The following CSMD1 variants were observed in gnomAD, a reference collection of about 807,000 sequenced individuals.
CSMD1 encodes CUB and Sushi multiple domains 1, also known as CUB and sushi domain-containing protein 1.
Under a neutral mutation model 417.5 loss-of-function variants are expected in CSMD1, and 213 were observed. The ratio of observed to expected loss-of-function variants is 0.51; its 90% CI spans 0.46 to 0.57. The LOEUF is 0.57. CSMD1 is among the 20% of genes least tolerant of loss of function. The pLI, the probability that CSMD1 is intolerant of heterozygous loss-of-function variation, is 0.00. For synonymous variants in CSMD1, 2,862 were observed against 1,736.8 expected (o/e 1.65, Z -16.11); for missense variants, 6,923 against 4,529.7 (o/e 1.53, Z -15.17).
chr8:3,076,005 C>T (rs539209105), intron 49 of CSMD1, among the ~76,000 whole-genome samples: 41 of 150,800 alleles, frequency 2.7e-4, no homozygotes, highest in Non-Finnish European at 5.3e-4. Flanking sequence ...GAGCCGAGAT[C>T]GCGCCACTGC....
chr8:2,993,704 T>C (rs1053432515), intron 54 of CSMD1, among the ~76,000 whole-genome samples: 1 of 152,128 alleles, frequency 6.6e-6, no homozygotes, highest in Non-Finnish European at 1.5e-5. Context: ...GTTTTGTTTC[T>C]AATGTTTTAA....
chr8:3,211,821 C>T lies in CSMD1; in HGVS notation c.4867+2676G>A, dbSNP rs138565484. The stretch of plus-strand genomic sequence containing the variant: ...ACAGCAGCTCACAGGCAGCTCCTGG[C>T]CAACCTCAAGAGCACAGGGCAAGCA... On this transcript the variant is annotated intron_variant, in intron 30 of 69. Transcript: ENST00000635120. Among the ~76,000 whole-genome samples, 355 of 152,338 alleles carry T rather than the reference C, an allele frequency of 2.3e-3. 1 individual carries two copies. The highest frequency in any genetic ancestry group is 3.9e-3 in the Non-Finnish European group (263 of 68,030).
chr8:4,742,429 T>C (rs976485574), intron 1 of CSMD1, among the ~76,000 whole-genome samples: 1 of 152,168 alleles, frequency 6.6e-6, no homozygotes, highest in Non-Finnish European at 1.5e-5. Context: ...TGGTCATTTT[T>C]CTTATGACTA....
chr8:3,465,910 T>C (rs1816767865), intron 12 of CSMD1, among the ~76,000 whole-genome samples: 1 of 152,046 alleles, frequency 6.6e-6, no homozygotes, highest in African/African-American at 2.4e-5. Context: ...TATGAGAAAA[T>C]GTCGAGAGCT....
chr8:3,771,530 G>A (rs1350746964), intron 5 of CSMD1, among the ~76,000 whole-genome samples: 1 of 152,126 alleles, frequency 6.6e-6, no homozygotes, highest in African/African-American at 2.4e-5. Flanking sequence ...GCTCATTTGG[G>A]TGACTGGATA....
chr8:3,786,861 A>G (rs1227553159), intron 5 of CSMD1, among the ~76,000 whole-genome samples: 1 of 152,136 alleles, frequency 6.6e-6, no homozygotes, highest in African/African-American at 2.4e-5. Flanking sequence ...TAATCACATT[A>G]TGAGGGCCAC....
At chr8:3,110,057 G>T in intron 43 of CSMD1, 101 bp downstream of exon 43, 1 of 1,019,048 alleles carries the variant, frequency 9.8e-7, no homozygotes, top group Non-Finnish European at 1.4e-6. Flanking sequence ...TATCTAAGAA[G>T]TTTATTCTAA....
intron 2 of CSMD1, among the ~76,000 whole-genome samples, chr8:4,579,025 A>G (rs1799281294): frequency 6.6e-6 from 1 of 151,940 alleles, no homozygotes; most frequent in African/African-American, 2.4e-5. Context: ...TTTATCACAT[A>G]AAGGCACAAT....
At chr8:4,863,237 G>C (rs182890806) in intron 1 of CSMD1, among the ~76,000 whole-genome samples, 1 of 152,074 alleles carries the variant, frequency 6.6e-6, no homozygotes, top group East Asian at 1.9e-4. Flanking sequence ...AAATAATCAT[G>C]TGTTTTGAGA....
rs527490270 is a variant in CSMD1 at position 4,113,932 on chromosome 8, G to C, written c.416-81833C>G. On this transcript the variant is annotated intron_variant, in intron 3 of 69. Transcript: ENST00000635120. ...GAAGCCAGCAGAGACTGGTTCATAA[G>C]ATTTAAGAAAAGAAGCCATCTCCAT... is the stretch of plus-strand genomic sequence containing the variant. Among the ~76,000 whole-genome samples the C allele has an allele frequency of 3.3e-5, 5 of 152,302 alleles. No homozygotes were observed. The East Asian group carries it at 5.8e-4, about 18-fold the overall frequency.
At chr8:3,355,482 G>A (rs1363500208) in intron 21 of CSMD1, among the ~76,000 whole-genome samples, 1 of 152,094 alleles carries the variant, frequency 6.6e-6, no homozygotes, top group African/African-American at 2.4e-5. Flanking sequence ...AGCCAATCAC[G>A]ACTGCCCTGG....
rs548360572 is a variant in CSMD1, at chr8:3,575,088, G to A, written c.1223-22C>T. On this transcript the variant is annotated intron_variant, in intron 9 of 69. Transcript: ENST00000635120. ...CTCGCTGGAAACACATAGAAACGAC[G>A]TTATTTTCTACAACATTGTGTCAGT... 33 of 1,607,948 alleles carry A rather than the reference G, an allele frequency of 2.1e-5. No individual in the cohort carries two copies. In the African/African-American group the frequency reaches 3.6e-4, roughly 18 times the overall value.
At chr8:4,364,288 C>G (rs1255638569) in intron 3 of CSMD1, among the ~76,000 whole-genome samples, 1 of 152,018 alleles carries the variant, frequency 6.6e-6, no homozygotes, top group Non-Finnish European at 1.5e-5. Flanking sequence ...TTCTTTAAGC[C>G]AAGGGGAACA....
intron 5 of CSMD1, among the ~76,000 whole-genome samples, chr8:3,996,824 C>G (rs1815257744): frequency 6.6e-6 from 1 of 152,318 alleles, no homozygotes; most frequent in East Asian, 1.9e-4. Flanking sequence ...GAATAGGAAT[C>G]ATCAGCATTG....
At chr8:4,765,012 C>A (rs924603561) in intron 1 of CSMD1, among the ~76,000 whole-genome samples, 1 of 151,240 alleles carries the variant, frequency 6.6e-6, no homozygotes, top group Non-Finnish European at 1.5e-5. Flanking sequence ...ATGGCTATTT[C>A]TTGTTTAATT....
chr8:4,303,492 C>G (rs1798091891), intron 3 of CSMD1, among the ~76,000 whole-genome samples: 1 of 114,002 alleles, frequency 8.8e-6, no homozygotes. Context: ...GATTTTCAAT[C>G]TCCTTACCAT....
chr8:4,692,559 G>C (rs181934522), intron 1 of CSMD1, among the ~76,000 whole-genome samples: 1 of 152,078 alleles, frequency 6.6e-6, no homozygotes, highest in Non-Finnish European at 1.5e-5. Flanking sequence ...GAAGAGGGCC[G>C]GGAAGACTGT....
At chr8:4,203,671 C>T (rs191759653) in intron 3 of CSMD1, among the ~76,000 whole-genome samples, 10 of 152,100 alleles carry the variant, frequency 6.6e-5, no homozygotes, top group Admixed American at 3.3e-4. Context: ...CCTCTCCTGG[C>T]CATTTGTAAG....
chr8:3,184,561 C>A (rs1164542968), intron 36 of CSMD1, among the ~76,000 whole-genome samples: 1 of 151,876 alleles, frequency 6.6e-6, no homozygotes, highest in Non-Finnish European at 1.5e-5. Flanking sequence ...TATTTGCCTT[C>A]TTCTTACGCA....
Sources: allele counts gnomAD v4.1 joint callset (sites outside exome capture counted in the v4.1 genomes callset), GRCh38; gene constraint gnomAD v4.1.1; transcripts MANE v1.5; gene names NCBI Gene and HGNC (gene_info 2026-07-23, HGNC 2026-07-21).